SORCS1: variants seen among roughly 807,000 people sequenced by gnomAD.
The protein encoded by SORCS1 is VPS10 domain-containing receptor SorCS1.
Under a neutral mutation model 146.1 loss-of-function variants are expected in SORCS1, and 60 were observed. That is an observed-to-expected ratio of 0.41 (90% CI 0.33 to 0.51). SORCS1 has a LOEUF of 0.51. Ranked by LOEUF, SORCS1 falls within the 20% of genes least tolerant of loss-of-function variation. The pLI is 0.21. For missense variants in SORCS1, 1,352 were observed against 1,487.6 expected, an observed-to-expected ratio of 0.91 and a Z score of 1.50; for synonymous variants, 637 against 584.0, an observed-to-expected ratio of 1.09 and a Z score of -1.31.
At chr10:106,994,414 C>A (rs181822737) in intron 1 of SORCS1, among the ~76,000 whole-genome samples, 1 of 151,746 alleles carries the variant, frequency 6.6e-6, no homozygotes, top group Admixed American at 6.6e-5. Flanking sequence ...CTAAGTAATC[C>A]GGGAATTAAA....
At chr10:106,746,424 C>T (rs1428217682) in intron 5 of SORCS1, among the ~76,000 whole-genome samples, 1 of 152,080 alleles carries the variant, frequency 6.6e-6, no homozygotes. Context: ...AGAGCAAAGC[C>T]ACAATTTCCT....
At chr10:106,810,726 G>C (rs1047009125) in intron 3 of SORCS1, among the ~76,000 whole-genome samples, 1 of 152,174 alleles carries the variant, frequency 6.6e-6, no homozygotes, top group Non-Finnish European at 1.5e-5. Context: ...TGGAAGAGCA[G>C]AGGGGAAAGT....
At chr10:107,164,899 G>A (rs1432476814), upstream of SORCS1, among the ~76,000 whole-genome samples, 4 of 147,936 alleles carry the variant, frequency 2.7e-5, no homozygotes, top group African/African-American at 9.8e-5. This position sits in a 1 kb window ranked among gnomAD's most constrained non-coding sequence, Gnocchi z 6.8. Flanking sequence ...AGGCGCCGCC[G>A]GCGACCTCCC....
chr10:107,165,292 A>AGGGTGTGTGTGT (rs113141732), upstream of SORCS1, among the ~76,000 whole-genome samples: 1 of 142,718 alleles, frequency 7.0e-6, no homozygotes, highest in Non-Finnish European at 1.5e-5. This position sits in a 1 kb window ranked among gnomAD's most constrained non-coding sequence, Gnocchi z 4.0. Flanking sequence ...CTCGTGTGTG[A>AGGGTGTGTGTGT]GTGTGTGTGT....
intron 24 of SORCS1, among the ~76,000 whole-genome samples, chr10:106,587,207 T>C (rs1393750427): frequency 6.6e-6 from 1 of 152,198 alleles, no homozygotes; most frequent in Non-Finnish European, 1.5e-5. Context: ...AACATATCGG[T>C]ACCAAGGCTT....
chr10:106,850,814 G>A (rs886522460), intron 2 of SORCS1, among the ~76,000 whole-genome samples: 2 of 152,130 alleles, frequency 1.3e-5, no homozygotes, highest in Admixed American at 1.3e-4. Flanking sequence ...AGTCCAAAAA[G>A]GAGTCATTTC....
intron 2 of SORCS1, among the ~76,000 whole-genome samples, chr10:106,952,687 C>G (rs1011012002): frequency 6.6e-6 from 1 of 150,986 alleles, no homozygotes; most frequent in African/African-American, 2.4e-5. Flanking sequence ...TATTAAAGTA[C>G]TAAAATGACC....
chr10:107,114,136 G>C (rs1965871845), intron 1 of SORCS1, among the ~76,000 whole-genome samples: 1 of 152,078 alleles, frequency 6.6e-6, no homozygotes, highest in Non-Finnish European at 1.5e-5. Context: ...CAAGTGAGAA[G>C]ATTGAATCAG....
chr10:106,627,475 T>C (rs1384780462), intron 19 of SORCS1, among the ~76,000 whole-genome samples: 1 of 152,242 alleles, frequency 6.6e-6, no homozygotes, highest in African/African-American at 2.4e-5. Context: ...GTCATTTTTA[T>C]TGCAAGTTAT....
At chr10:106,579,293 G>A (rs971947682) in intron 25 of SORCS1, 76 bp downstream of exon 25, 2 of 1,614,032 alleles carry the variant, frequency 1.2e-6, no homozygotes, top group Admixed American at 1.7e-5. Context: ...GCACATCACT[G>A]TAACACATGC....
At chr10:106,627,067 C>A (rs568159478) in intron 19 of SORCS1, among the ~76,000 whole-genome samples, 33 of 152,240 alleles carry the variant, frequency 2.2e-4, no homozygotes, top group African/African-American at 7.5e-4. Flanking sequence ...GAAGGGTTTC[C>A]GCAGCCCTTA....
intron 2 of SORCS1, among the ~76,000 whole-genome samples, chr10:106,906,415 G>GA (rs1262196340): frequency 6.6e-6 from 1 of 152,106 alleles, no homozygotes; most frequent in Non-Finnish European, 1.5e-5. Flanking sequence ...TGGCTGGCCA[G>GA]AAAAAGAGGT....
chr10:107,074,275 C>T (rs765856364), intron 1 of SORCS1, among the ~76,000 whole-genome samples: 1 of 152,164 alleles, frequency 6.6e-6, no homozygotes, highest in Non-Finnish European at 1.5e-5. Context: ...GGATGTCATA[C>T]ATATTTGGAA....
chr10:106,577,884 G>A (rs781422495), intron 25 of SORCS1: 20 of 221,990 alleles, frequency 9.0e-5, no homozygotes, highest in Non-Finnish European at 1.6e-4. Context: ...TGTGAAAATC[G>A]GACACCAGAT....
At chr10:107,039,169 A>T (rs1564959523) in intron 1 of SORCS1, among the ~76,000 whole-genome samples, 1 of 151,830 alleles carries the variant, frequency 6.6e-6, no homozygotes, top group African/African-American at 2.4e-5. Flanking sequence ...CTCTAATAAA[A>T]TACAAAAAAA....
At chr10:106,772,460 C>T (rs1860096285) in intron 4 of SORCS1, among the ~76,000 whole-genome samples, 1 of 151,796 alleles carries the variant, frequency 6.6e-6, no homozygotes, top group Non-Finnish European at 1.5e-5. Context: ...ATCAATCAAT[C>T]AATCAATCAA....
intron 3 of SORCS1, among the ~76,000 whole-genome samples, chr10:106,794,005 T>C (rs1052919391): frequency 6.6e-6 from 1 of 152,224 alleles, no homozygotes; most frequent in Non-Finnish European, 1.5e-5. Context: ...CTACAAAGAA[T>C]GATTTCAGTG....
chr10:107,092,596 C>T (rs1173518108), intron 1 of SORCS1, among the ~76,000 whole-genome samples: 2 of 152,124 alleles, frequency 1.3e-5, no homozygotes, highest in African/African-American at 2.4e-5. Flanking sequence ...TTACTGAGCT[C>T]CCATTCAGGA....
intron 1 of SORCS1, among the ~76,000 whole-genome samples, chr10:107,092,624 G>C (rs1452822253): frequency 6.6e-6 from 1 of 152,148 alleles, no homozygotes; most frequent in South Asian, 2.1e-4. Context: ...ACATACTACA[G>C]ATTAGCAAAG....
Sources: allele counts gnomAD v4.1 joint callset (sites outside exome capture counted in the v4.1 genomes callset), GRCh38; gene constraint gnomAD v4.1.1; non-coding constraint Gnocchi (gnomAD v3.1); transcripts MANE v1.5; gene names NCBI Gene and HGNC (gene_info 2026-07-23, HGNC 2026-07-21).